The following ARMC9 variants were observed in gnomAD, a reference collection of about 807,000 sequenced individuals.
ARMC9 encodes the protein lisH domain-containing protein ARMC9.
A neutral mutation model predicts 107.0 loss-of-function variants in ARMC9; 94 were observed. That is an observed-to-expected ratio of 0.88 (90% confidence interval 0.74 to 1.04). ARMC9 has a LOEUF of 1.04. Ranked by LOEUF, ARMC9 falls within the 50% of genes least tolerant of loss-of-function variation. The pLI, the probability that ARMC9 is intolerant of heterozygous loss-of-function variation, is 0.00. For synonymous variants in ARMC9, 380 were observed against 396.9 expected, an observed-to-expected ratio of 0.96 and a Z score of 0.51; for missense variants, 942 against 1,030.1, an observed-to-expected ratio of 0.91 and a Z score of 1.17.
At chr2:231,256,692 T>A in intron 10 of ARMC9, 72 bp downstream of exon 10, 3 of 1,511,910 alleles carry the variant, frequency 2.0e-6, no homozygotes, top group Non-Finnish European at 2.8e-6. Context: ...AAAGTGTCTT[T>A]AATAAACACT....
intron 21 of ARMC9, among the ~76,000 whole-genome samples, chr2:231,347,641 C>T (rs2044868229): frequency 6.6e-6 from 1 of 152,154 alleles, no homozygotes; most frequent in African/African-American, 2.4e-5. Flanking sequence ...TGTAGAGAGC[C>T]ACTCTTCTCT....
intron 21 of ARMC9, among the ~76,000 whole-genome samples, chr2:231,349,864 ATAAC>A (rs2044982358): frequency 6.6e-6 from 1 of 152,190 alleles, no homozygotes; most frequent in African/African-American, 2.4e-5. Context: ...ACATTTTAAA[ATAAC>A]TAAAAGAGTA....
At chr2:231,214,773 G>T in intron 3 of ARMC9, 58 bp from the exon 4 acceptor site, 2 of 1,561,522 alleles carry the variant, frequency 1.3e-6, no homozygotes, top group South Asian at 1.2e-5. Context: ...AGTGGGTTGT[G>T]AGAATTTTGG....
At chr2:231,274,874 A>G (rs542356637) in intron 14 of ARMC9, among the ~76,000 whole-genome samples, 1 of 152,314 alleles carries the variant, frequency 6.6e-6, no homozygotes, top group South Asian at 2.1e-4. Flanking sequence ...TGAATCGAAA[A>G]GAACTGTAAG....
At position 231,235,307 on chromosome 2, in the gene ARMC9, G is replaced by A; in HGVS notation, c.706G>A (p.Ala236Thr). 1.9e-6 allele frequency: 3 copies of A among 1,614,214 alleles called. No individual in the cohort carries two copies. The highest frequency in any genetic ancestry group is 2.5e-6 in the Non-Finnish European group (3 of 1,180,040). Residue 236 changes from alanine (A) to threonine (T), a missense_variant, in exon 8 of 25, where the codon GCC becomes ACC. By Grantham distance (58) the Ala-to-Thr change is moderately conservative (BLOSUM62 0). Transcript: ENST00000611582. Reference sequence around the variant, plus strand: ...CCTCAAACGGTACAATAAGATCCAGGCCGACTACCACAATCTCATTGGAGT... The same window carrying A: ...CCTCAAACGGTACAATAAGATCCAGACCGACTACCACAATCTCATTGGAGT... ...TYLKRYNKIQ[A>T]DYHNLIGVTA...
intron 19 of ARMC9, among the ~76,000 whole-genome samples, chr2:231,320,556 G>T (rs1348638078): frequency 7.6e-6 from 1 of 130,796 alleles, no homozygotes; most frequent in Non-Finnish European, 1.6e-5. Flanking sequence ...GCCCCTCATG[G>T]ACAAAAAAAA....
At chr2:231,280,624 A>G (rs1378791402) in intron 16 of ARMC9, among the ~76,000 whole-genome samples, 1 of 152,174 alleles carries the variant, frequency 6.6e-6, no homozygotes, top group Non-Finnish European at 1.5e-5. Flanking sequence ...AAAGAAAAAG[A>G]TGCACATAAC....
At position 231,329,320 on chromosome 2, in the gene ARMC9, T is replaced by A. The variant is rs534189682; in HGVS notation, c.1774-2473T>A. ...TGAATTTTTGATTTCTTTTTTCTTT[T>A]CTTTTTTGAGACAGAATTTTGCTCT... On this transcript the variant is annotated intron_variant, in intron 19 of 24. Transcript: ENST00000611582. Among the ~76,000 whole-genome samples the A allele has an allele frequency of 2.0e-5, 3 of 152,242 alleles. No individual in the cohort carries two copies. The East Asian group carries it at 5.8e-4, about 29-fold the overall frequency.
chr2:231,331,768 A>G (rs984385902), intron 19 of ARMC9, 25 bp from the exon 20 acceptor site: 1 of 1,598,412 alleles, frequency 6.3e-7, no homozygotes, highest in Non-Finnish European at 8.6e-7. Context: ...TGTCCATGGC[A>G]TTCACCCCAT....
chr2:231,344,243 CAATCTCTCT>C (rs869040879), intron 20 of ARMC9, among the ~76,000 whole-genome samples: 22 of 152,316 alleles, frequency 1.4e-4, no homozygotes, highest in African/African-American at 5.3e-4. Flanking sequence ...TCTCAAATTT[CAATCTCTCT>C]AATTAGTGTT....
chr2:231,292,084 C>G (rs1250192960), intron 18 of ARMC9, among the ~76,000 whole-genome samples: 2 of 150,894 alleles, frequency 1.3e-5, no homozygotes, highest in Non-Finnish European at 2.9e-5. Flanking sequence ...AGGAGAATCG[C>G]TTGAACCTGG....
chr2:231,238,351 T>G (rs1438820711), intron 8 of ARMC9, among the ~76,000 whole-genome samples: 1 of 152,020 alleles, frequency 6.6e-6, no homozygotes, highest in African/African-American at 2.4e-5. Context: ...AAAGGTATGT[T>G]TTTTTGTTCG....
intron 5 of ARMC9, among the ~76,000 whole-genome samples, chr2:231,221,176 C>T (rs1237133725): frequency 6.6e-6 from 1 of 152,200 alleles, no homozygotes; most frequent in Admixed American, 6.5e-5. Context: ...TTCCTTTCCC[C>T]TCCCAGCTTC....
At chr2:231,295,869 G>T in intron 18 of ARMC9, 1 of 190,828 alleles carries the variant, frequency 5.2e-6, no homozygotes, top group Admixed American at 6.1e-5. Context: ...GTGAAATAAC[G>T]GGTATGGCAG....
chr2:231,360,403 G>T lies in ARMC9; in HGVS notation c.2132-351G>T, dbSNP rs538158550. 2.0e-5 allele frequency among the ~76,000 whole-genome samples: 3 copies of T among 152,204 alleles called. No homozygotes were observed. Among genetic ancestry groups the T allele is most frequent in the Non-Finnish European group, 4.4e-5 (3 of 68,034 alleles). Reference sequence around the variant, plus strand: ...ACATTTGAGTTTCAGATAAGCAAATGGGCCTCCACATTCTGTCTGGGGGCG... The same window carrying T: ...ACATTTGAGTTTCAGATAAGCAAATTGGCCTCCACATTCTGTCTGGGGGCG... On this transcript the variant is annotated intron_variant, in intron 22 of 24. Transcript: ENST00000611582. This position sits in a 1 kb window ranked among gnomAD's most constrained non-coding sequence, Gnocchi z 4.7.
intron 23 of ARMC9, among the ~76,000 whole-genome samples, chr2:231,364,502 A>G (rs2045728058): frequency 6.6e-6 from 1 of 152,210 alleles, no homozygotes; most frequent in Admixed American, 6.5e-5. Flanking sequence ...TGGCACATTC[A>G]TGCATCCAGC....
chr2:231,305,692 C>A (rs373155839), intron 19 of ARMC9, among the ~76,000 whole-genome samples: 1 of 152,124 alleles, frequency 6.6e-6, no homozygotes, highest in Non-Finnish European at 1.5e-5. Context: ...ACCTACCCTG[C>A]AAGGTTCTTT....
At chr2:231,288,751 C>T (rs943800733) in intron 17 of ARMC9, 9 of 470,830 alleles carry the variant, frequency 1.9e-5, no homozygotes, top group East Asian at 6.9e-5. Context: ...GCCACACGGC[C>T]GGCGAGGGGC....
intron 19 of ARMC9, among the ~76,000 whole-genome samples, chr2:231,301,271 A>T (rs1285329641): frequency 2.6e-5 from 4 of 152,136 alleles, no homozygotes; most frequent in Non-Finnish European, 5.9e-5. Flanking sequence ...AATTTTCTAG[A>T]TTTTTTGCTA....
Sources: allele counts gnomAD v4.1 joint callset (sites outside exome capture counted in the v4.1 genomes callset), GRCh38; gene constraint gnomAD v4.1.1; non-coding constraint Gnocchi (gnomAD v3.1); transcripts MANE v1.5; gene names NCBI Gene and HGNC (gene_info 2026-07-23, HGNC 2026-07-21).